Variants in ZMYM1 observed in about 807,000 individuals in gnomAD.
ZMYM1 encodes zinc finger MYM-type containing 1.
A neutral mutation model predicts 60.0 loss-of-function variants in ZMYM1; 39 were observed. That is an observed-to-expected ratio of 0.65 (90% confidence interval 0.50 to 0.85). The LOEUF is 0.85. Ranked by LOEUF, ZMYM1 falls within the 40% of genes least tolerant of loss-of-function variation. The pLI is 0.00. For missense variants in ZMYM1, 1,171 were observed against 1,309.5 expected (o/e 0.89, Z 1.63); for synonymous variants, 413 against 454.0 (o/e 0.91, Z 1.15).
intron 1 of ZMYM1, among the ~76,000 whole-genome samples, chr1:35,069,728 T>C (rs929893455): frequency 6.6e-6 from 1 of 152,244 alleles, no homozygotes; most frequent in African/African-American, 2.4e-5. Context: ...AGGTTTTACA[T>C]TTAAGTCTTT....
chr1:35,104,889 G>C (rs574788641), intron 6 of ZMYM1, 120 bp downstream of exon 6: 1 of 715,418 alleles, frequency 1.4e-6, no homozygotes, highest in African/African-American at 1.8e-5. Flanking sequence ...TGATGAAGAT[G>C]AAATAGAAGG....
chr1:35,060,875 G>T (rs923223691), intron 1 of ZMYM1, among the ~76,000 whole-genome samples: 1 of 152,196 alleles, frequency 6.6e-6, no homozygotes, highest in Admixed American at 6.5e-5. Context: ...TGGCCCTGGT[G>T]CTTGAAACTC....
At chr1:35,099,724 T>A (rs1299739445) in intron 4 of ZMYM1, among the ~76,000 whole-genome samples, 1 of 152,170 alleles carries the variant, frequency 6.6e-6, no homozygotes, top group Non-Finnish European at 1.5e-5. Flanking sequence ...AAAATAATTT[T>A]CAGTTACTTA....
At chr1:35,070,680 T>C (rs752159284) in intron 1 of ZMYM1, among the ~76,000 whole-genome samples, 5 of 152,156 alleles carry the variant, frequency 3.3e-5, no homozygotes, top group Non-Finnish European at 5.9e-5. Context: ...CTTGTCTTCT[T>C]CCTGTTCTTA....
rs751259976 is a variant in ZMYM1 at position 35,111,847 on chromosome 1, G to A, written c.1037G>A (p.Ser346Asn). 1.2e-6 allele frequency: 2 copies of A among 1,609,394 alleles called. No homozygotes were observed. Among genetic ancestry groups the A allele is most frequent in the South Asian group, 1.1e-5 (1 of 90,450 alleles). The change falls in exon 8 of 10, where the codon AGC becomes AAC. Residue 346 changes from serine to asparagine, a missense_variant. By Grantham distance (46) the Ser-to-Asn change is conservative. Transcript: ENST00000359858. ...AAGAAAGATACGACTCCAGTTATAA[G>A]CAATATAGTGTCATTGGCAGACACC... ...SPKKDTTPVISNIVSLADTDV... is the reference protein window; with the variant it reads ...SPKKDTTPVINNIVSLADTDV...
intron 4 of ZMYM1, among the ~76,000 whole-genome samples, chr1:35,102,129 G>C (rs1169128232): frequency 6.6e-6 from 1 of 152,176 alleles, no homozygotes; most frequent in Non-Finnish European, 1.5e-5. Context: ...GAAGTCTGAA[G>C]AAAACCTGGC....
chr1:35,071,205 T>C (rs1282967691), intron 1 of ZMYM1, among the ~76,000 whole-genome samples: 1 of 152,148 alleles, frequency 6.6e-6, no homozygotes, highest in Non-Finnish European at 1.5e-5. Flanking sequence ...GTTAATGTGA[T>C]ATATCATATT....
intron 6 of ZMYM1, among the ~76,000 whole-genome samples, chr1:35,108,920 G>A (rs1643991384): frequency 6.6e-6 from 1 of 151,978 alleles, no homozygotes; most frequent in Admixed American, 6.6e-5. Context: ...TTGCTGCCTA[G>A]GCTGGTCTCG....
intron 2 of ZMYM1, among the ~76,000 whole-genome samples, chr1:35,094,544 A>T (rs1000931278): frequency 1.3e-5 from 2 of 152,168 alleles, no homozygotes; most frequent in African/African-American, 4.8e-5. Context: ...TTAAGTAGGG[A>T]AAACATTCCT....
In ZMYM1 at chr1:35,114,010, A is replaced by C; in HGVS notation, c.2180A>C (p.Asn727Thr). ...DSTTNLKIKF[N>T]KIAAEFKKEE... ...ACCACTAATTTGAAGATAAAATTTA[A>C]TAAAATAGCAGCAGAATTCAAGAAA... Residue 727 changes from asparagine (N) to threonine (T), a missense_variant, in exon 10 of 10, where the codon AAT becomes ACT. Physicochemically the swap from Asn to Thr is moderately conservative, Grantham distance 65 (BLOSUM62 0). Coordinates refer to ENST00000359858, the MANE Select transcript of ZMYM1 (RefSeq NM_024772.5). 6.2e-7 allele frequency: 1 copy of C among 1,606,870 alleles called. No homozygotes were observed. Among genetic ancestry groups the C allele is most frequent in the Non-Finnish European group, 8.5e-7 (1 of 1,178,286 alleles).
intron 2 of ZMYM1, 114 bp downstream of exon 2, chr1:35,094,197 G>C: frequency 1.3e-6 from 1 of 789,734 alleles, no homozygotes; most frequent in Non-Finnish European, 2.0e-6. Flanking sequence ...CTCCTCCAAA[G>C]CAGTTAATTA....
At chr1:35,086,001 C>T (rs1379660312) in intron 1 of ZMYM1, among the ~76,000 whole-genome samples, 1 of 152,160 alleles carries the variant, frequency 6.6e-6, no homozygotes, top group Non-Finnish European at 1.5e-5. Flanking sequence ...TAGAAAAACA[C>T]GTGTAAAGCT....
rs781186681 is a variant in ZMYM1, at chr1:35,115,203, C to G, written c.3373C>G (p.Pro1125Ala). 5 of 1,605,104 alleles carry G rather than the reference C, an allele frequency of 3.1e-6. No individual in the cohort carries two copies. Among genetic ancestry groups the G allele is most frequent in the South Asian group, 1.1e-5 (1 of 89,022 alleles). ...EQELVNKLME[P>A]ERLNEIVEKF... ...GGAGTTGGTAAATAAACTAATGGAG[C>G]CTGAAAGACTCAATGAAATTGTGGA... The change falls in exon 10 of 10, where the codon CCT becomes GCT. Residue 1125 changes from proline (P) to alanine (A), a missense_variant. By Grantham distance (27) the Pro-to-Ala change is conservative (BLOSUM62 -1). Transcript: ENST00000359858.
chr1:35,061,749 C>G (rs552596848), intron 1 of ZMYM1, among the ~76,000 whole-genome samples: 1 of 151,632 alleles, frequency 6.6e-6, no homozygotes, highest in Non-Finnish European at 1.5e-5. Context: ...GCACTCCAGC[C>G]TGGGTGACAG....
At chr1:35,072,195 T>G (rs2148479008) in intron 1 of ZMYM1, among the ~76,000 whole-genome samples, 1 of 152,272 alleles carries the variant, frequency 6.6e-6, no homozygotes, top group East Asian at 1.9e-4. Context: ...GTGTTTATGT[T>G]TTGGAGTTTT....
intron 1 of ZMYM1, among the ~76,000 whole-genome samples, chr1:35,065,403 T>C (rs539333966): frequency 6.6e-6 from 1 of 152,234 alleles, no homozygotes; most frequent in Non-Finnish European, 1.5e-5. Context: ...GCTTACTTTA[T>C]TGTAAGAATA....
chr1:35,115,004 T>G lies in ZMYM1; in HGVS notation c.3174T>G (p.Gly1058=), dbSNP rs964437367. 3 of 1,614,108 alleles carry G rather than the reference T, an allele frequency of 1.9e-6. No individual in the cohort carries two copies. Among genetic ancestry groups the G allele is most frequent in the Admixed American group, 1.7e-5 (1 of 60,028 alleles). Residue 1058 remains glycine (G), a synonymous_variant, in exon 10 of 10, where the codon GGT becomes GGG. Coordinates refer to ENST00000359858, the MANE Select transcript of ZMYM1 (RefSeq NM_024772.5). The part of the protein sequence containing the change: ...VSLGCLFIQH[G]LHSNIPCLSK... ...TCGGCTGTTTGTTTATTCAGCATGG[T>G]CTTCACAGTAATATTCCTTGTCTCT...
At chr1:35,067,133 T>C (rs12084610) in intron 1 of ZMYM1, among the ~76,000 whole-genome samples, 20,998 of 151,356 alleles carry the variant, frequency 0.14, 4,688 homozygotes, top group African/African-American at 0.47. Context: ...CACACGCCAC[T>C]ACGCCTGGCT....
At chr1:35,061,725 G>A (rs970616534) in intron 1 of ZMYM1, among the ~76,000 whole-genome samples, 9 of 150,774 alleles carry the variant, frequency 6.0e-5, no homozygotes, top group Admixed American at 2.6e-4. Flanking sequence ...GCAGTGAGCC[G>A]AGATCACACC....
Sources: gnomAD v4.1 joint callset for allele counts (sites outside exome capture counted in the v4.1 genomes callset) on GRCh38, gnomAD v4.1.1 for gene constraint, MANE v1.5 for transcripts, NCBI Gene and HGNC (gene_info 2026-07-23, HGNC 2026-07-21) for gene names.